The following RALGAPA2 variants were observed in gnomAD, a reference collection of about 807,000 sequenced individuals.
RALGAPA2 encodes ral GTPase-activating protein subunit alpha-2.
RALGAPA2 carries 139 observed loss-of-function variants against 230.4 expected under a neutral mutation model. The ratio of observed to expected loss-of-function variants is 0.60; its 90% CI spans 0.53 to 0.69. The LOEUF (loss-of-function observed/expected upper bound fraction) is 0.69. RALGAPA2 is among the 30% of genes least tolerant of loss of function. The probability of loss-of-function intolerance (pLI) is 0.00; values close to 1 mark genes in which losing one functional copy is unlikely to be tolerated. For missense variants in RALGAPA2, 2,163 were observed against 2,276.0 expected (o/e 0.95, Z 1.01); for synonymous variants, 847 against 837.8 (o/e 1.01, Z -0.19).
Position 20,467,564 on chromosome 20 carries a change from T to C in RALGAPA2, c.5495+5265A>G, listed in dbSNP as rs1047876913. Among the ~76,000 whole-genome samples, 9 of 147,372 alleles carry C rather than the reference T, an allele frequency of 6.1e-5. No individual in the cohort carries two copies. In the East Asian group the frequency reaches 1.2e-3, roughly 19 times the overall value. Reference sequence around the variant, plus strand: ...GTCTGGAGCTTAGGTGCAAGAGCCATTGATTGATTGATTGATTGATTGATT... The same window carrying C: ...GTCTGGAGCTTAGGTGCAAGAGCCACTGATTGATTGATTGATTGATTGATT... On this transcript the variant is annotated intron_variant, in intron 37 of 39. Transcript: ENST00000202677.
chr20:20,435,174 C>T (rs141681705), intron 37 of RALGAPA2, among the ~76,000 whole-genome samples: 221 of 152,346 alleles, frequency 1.5e-3, no homozygotes, highest in African/African-American at 5.1e-3. Flanking sequence ...GGAGGCCCTG[C>T]ACAGCCACCT....
chr20:20,550,220 T>C (rs1602747313), intron 23 of RALGAPA2, among the ~76,000 whole-genome samples: 1 of 152,196 alleles, frequency 6.6e-6, no homozygotes, highest in Admixed American at 6.5e-5. Context: ...CTCCCACTTA[T>C]GAGTGAGAAC....
chr20:20,450,746 A>T (rs963370232), intron 37 of RALGAPA2, among the ~76,000 whole-genome samples: 1 of 152,264 alleles, frequency 6.6e-6, no homozygotes, highest in Admixed American at 6.5e-5. Flanking sequence ...GCCTGTGATC[A>T]GCCTGCGCTT....
At chr20:20,683,578 A>G (rs941262282) in intron 1 of RALGAPA2, among the ~76,000 whole-genome samples, 7 of 152,160 alleles carry the variant, frequency 4.6e-5, no homozygotes, top group Non-Finnish European at 8.8e-5. Context: ...CCACTCCCAG[A>G]TCTTCATGCA....
intron 27 of RALGAPA2, among the ~76,000 whole-genome samples, chr20:20,528,700 G>T (rs1007701950): frequency 6.6e-6 from 1 of 152,188 alleles, no homozygotes; most frequent in Non-Finnish European, 1.5e-5. Context: ...CCAACACCTT[G>T]CTGAGTGGAA....
At chr20:20,597,872 T>C (rs1375629925) in intron 16 of RALGAPA2, among the ~76,000 whole-genome samples, 2 of 151,954 alleles carry the variant, frequency 1.3e-5, no homozygotes, top group Non-Finnish European at 2.9e-5. Context: ...CAAAAAATAC[T>C]AATCTACAAC....
At chr20:20,464,381 G>A (rs965329321) in intron 37 of RALGAPA2, among the ~76,000 whole-genome samples, 3 of 152,094 alleles carry the variant, frequency 2.0e-5, no homozygotes, top group African/African-American at 7.2e-5. Context: ...ATACAATTAA[G>A]AGTTAAAAAC....
intron 10 of RALGAPA2, among the ~76,000 whole-genome samples, chr20:20,624,252 G>A (rs746926491): frequency 1.3e-5 from 2 of 151,124 alleles, no homozygotes; most frequent in Non-Finnish European, 2.9e-5. Flanking sequence ...ACTTGAACCC[G>A]GGAGGTGGAG....
intron 23 of RALGAPA2, among the ~76,000 whole-genome samples, chr20:20,547,967 A>G (rs1023248357): frequency 2.0e-5 from 3 of 152,188 alleles, no homozygotes; most frequent in African/African-American, 7.2e-5. Context: ...TCTAGCACAG[A>G]AAAGGTTCAG....
intron 1 of RALGAPA2, among the ~76,000 whole-genome samples, chr20:20,702,580 G>A (rs1438188196): frequency 6.6e-6 from 1 of 152,232 alleles, no homozygotes; most frequent in East Asian, 1.9e-4. Context: ...GCAGTGCTCA[G>A]TAATGGGCTA....
chr20:20,695,046 C>CA (rs1266370744), intron 1 of RALGAPA2, among the ~76,000 whole-genome samples: 1 of 152,006 alleles, frequency 6.6e-6, no homozygotes, highest in Admixed American at 6.6e-5. Context: ...ATATTTACTG[C>CA]AAAAAACTCA....
intron 10 of RALGAPA2, among the ~76,000 whole-genome samples, chr20:20,625,736 G>A (rs1368963146): frequency 1.3e-5 from 2 of 152,012 alleles, no homozygotes; most frequent in Admixed American, 6.6e-5. Flanking sequence ...CATGACCTAC[G>A]AATAGGTCAC....
At chr20:20,623,630 C>T (rs2066392015) in intron 10 of RALGAPA2, among the ~76,000 whole-genome samples, 1 of 152,118 alleles carries the variant, frequency 6.6e-6, no homozygotes, top group Non-Finnish European at 1.5e-5. Context: ...GTCTCAACCT[C>T]TCACAGCTCT....
At chr20:20,467,604 C>T (rs900519061) in intron 37 of RALGAPA2, among the ~76,000 whole-genome samples, 5 of 152,102 alleles carry the variant, frequency 3.3e-5, no homozygotes, top group South Asian at 4.1e-4. Flanking sequence ...GTATTCTTAG[C>T]GACTTGAGTT....
At chr20:20,566,985 C>T (rs2064450494) in intron 23 of RALGAPA2, among the ~76,000 whole-genome samples, 1 of 152,188 alleles carries the variant, frequency 6.6e-6, no homozygotes, top group Non-Finnish European at 1.5e-5. Context: ...ACCCACATTT[C>T]CCAAAATGTC....
intron 36 of RALGAPA2, among the ~76,000 whole-genome samples, chr20:20,474,481 T>C (rs1217968194): frequency 6.6e-6 from 1 of 152,222 alleles, no homozygotes; most frequent in African/African-American, 2.4e-5. Context: ...TTGACAAAAC[T>C]GCAAAGGGGA....
intron 37 of RALGAPA2, among the ~76,000 whole-genome samples, chr20:20,425,746 A>ACC (rs1204458439): frequency 1.3e-5 from 2 of 152,156 alleles, no homozygotes; most frequent in South Asian, 4.1e-4. Context: ...AACTCAATAC[A>ACC]CCCCACAGAC....
intron 37 of RALGAPA2, among the ~76,000 whole-genome samples, chr20:20,443,274 A>C (rs949171995): frequency 2.6e-5 from 4 of 152,184 alleles, no homozygotes; most frequent in African/African-American, 9.7e-5. Flanking sequence ...CATTTCCTGG[A>C]TGAGGAAGGA....
chr20:20,647,858 A>T (rs1405077628), intron 4 of RALGAPA2, among the ~76,000 whole-genome samples: 1 of 152,238 alleles, frequency 6.6e-6, no homozygotes, highest in Non-Finnish European at 1.5e-5. Flanking sequence ...GACTGATCAT[A>T]ACAAATGTTG....
Sources: allele counts gnomAD v4.1 joint callset (sites outside exome capture counted in the v4.1 genomes callset), GRCh38; gene constraint gnomAD v4.1.1; transcripts MANE v1.5; gene names NCBI Gene and HGNC (gene_info 2026-07-23, HGNC 2026-07-21).